The following NBAS variants were observed in gnomAD, a reference collection of about 807,000 sequenced individuals.
NBAS encodes NBAS subunit of NRZ tethering complex.
Under a neutral mutation model 302.5 loss-of-function variants are expected in NBAS, and 219 were observed. That is an observed-to-expected ratio of 0.72 (90% CI 0.65 to 0.81). NBAS has a LOEUF of 0.81. Ranked by LOEUF, NBAS falls within the 30% of genes least tolerant of loss-of-function variation. The pLI, the probability that NBAS is intolerant of heterozygous loss-of-function variation, is 0.00. For synonymous variants in NBAS, 1,118 were observed against 1,021.6 expected, an observed-to-expected ratio of 1.09 and a Z score of -1.80; for missense variants, 2,932 against 2,841.6, an observed-to-expected ratio of 1.03 and a Z score of -0.72.
At chr2:15,527,022 T>A (rs1662941998) in intron 9 of NBAS, among the ~76,000 whole-genome samples, 1 of 150,070 alleles carries the variant, frequency 6.7e-6, no homozygotes, top group Non-Finnish European at 1.5e-5. Flanking sequence ...AGTGGAGTAG[T>A]CAGTATGAAA....
intron 45 of NBAS, 108 bp from the exon 46 acceptor site, chr2:15,234,855 GCAA>G: frequency 8.9e-7 from 1 of 1,121,296 alleles, no homozygotes; most frequent in South Asian, 1.3e-5. Context: ...ATGAAAAGCA[GCAA>G]CACCATACCA....
chr2:15,098,429 A>ATTGTATATTGTATATAATATG, the NBAS span, among the ~76,000 whole-genome samples: 96 of 86,010 alleles, frequency 1.1e-3, 1 homozygote, highest in Non-Finnish European at 1.8e-3. Context: ...TATATTATAT[A>ATTGTATATTGTATATAATATG]TTATATATTG....
chr2:15,099,689 T>C, the NBAS span, among the ~76,000 whole-genome samples: 1 of 152,016 alleles, frequency 6.6e-6, no homozygotes, highest in Non-Finnish European at 1.5e-5. Flanking sequence ...CGGGATCCTG[T>C]TGGGAAAGCA....
chr2:14,989,916 G>A, the NBAS span, among the ~76,000 whole-genome samples: 5 of 152,158 alleles, frequency 3.3e-5, no homozygotes, highest in East Asian at 7.7e-4. Context: ...AAAAAGAAGG[G>A]CGTAAAATGG....
chr2:15,533,948 C>T (rs1205760849), intron 9 of NBAS, among the ~76,000 whole-genome samples: 14 of 152,054 alleles, frequency 9.2e-5, no homozygotes. Flanking sequence ...TTTATGAAAC[C>T]AAACATTTAG....
rs746270875 is a variant in NBAS, at chr2:15,167,150, G to A, written c.7014C>T (p.Gly2338=). The change falls in exon 52 of 52, where the codon GGC becomes GGT. Residue 2338 remains glycine, a synonymous_variant. Coordinates refer to ENST00000281513, the MANE Select transcript of NBAS (RefSeq NM_015909.4). ...EELGRHLREA[G]HEAEAGSLLL... is the part of the protein sequence containing the mutation. ...GGAGAGACCCGGCTTCGGCTTCATGGCCGGCCTCCCGCAGGTGTCTGCCCA... is the reference window on the plus strand; with the variant it reads ...GGAGAGACCCGGCTTCGGCTTCATGACCGGCCTCCCGCAGGTGTCTGCCCA... 4 of 1,614,120 alleles carry A rather than the reference G, an allele frequency of 2.5e-6. No individual in the cohort carries two copies. Among genetic ancestry groups the A allele is most frequent in the Non-Finnish European group, 3.4e-6 (4 of 1,180,044 alleles).
chr2:15,305,503 GTGCAACGGCGCGATCTCAGCTCAC>G (rs1558519204), intron 40 of NBAS, among the ~76,000 whole-genome samples: 3 of 148,310 alleles, frequency 2.0e-5, no homozygotes, highest in Non-Finnish European at 4.4e-5. Flanking sequence ...CCCAGGCGGA[GTGCAACGGCGCGATCTCAGCTCAC>G]TGCAACCTCC....
At chr2:14,798,514 C>T in the NBAS span, among the ~76,000 whole-genome samples, 1 of 152,104 alleles carries the variant, frequency 6.6e-6, no homozygotes, top group African/African-American at 2.4e-5. Flanking sequence ...TTTCTGCATT[C>T]ATAAGTGCTA....
chr2:15,216,645 A>G (rs1172759743), intron 48 of NBAS, among the ~76,000 whole-genome samples: 1 of 152,230 alleles, frequency 6.6e-6, no homozygotes, highest in African/African-American at 2.4e-5. Context: ...TTCTTGAGTA[A>G]TTAGAACATC....
At chr2:15,316,430 C>A (rs1372138284) in intron 38 of NBAS, among the ~76,000 whole-genome samples, 1 of 152,204 alleles carries the variant, frequency 6.6e-6, no homozygotes, top group Non-Finnish European at 1.5e-5. Flanking sequence ...TTGCCTCACA[C>A]AGGAAGTGCA....
intron 44 of NBAS, among the ~76,000 whole-genome samples, chr2:15,254,038 C>A (rs1668475601): frequency 6.6e-6 from 1 of 152,130 alleles, no homozygotes; most frequent in Non-Finnish European, 1.5e-5. Flanking sequence ...TAGACATAAG[C>A]AATTGCCAGC....
the NBAS span, among the ~76,000 whole-genome samples, chr2:15,018,585 GA>G: frequency 3.0e-4 from 46 of 151,994 alleles, no homozygotes; most frequent in East Asian, 1.9e-3. Context: ...CTGAGAATCA[GA>G]AAAAAACTCT....
the NBAS span, among the ~76,000 whole-genome samples, chr2:14,903,689 C>T: frequency 2.0e-5 from 3 of 152,204 alleles, no homozygotes; most frequent in South Asian, 4.1e-4. Flanking sequence ...AGTACAAAAA[C>T]CACACAACTG....
At chr2:15,103,608 CT>C in the NBAS span, among the ~76,000 whole-genome samples, 2 of 152,268 alleles carry the variant, frequency 1.3e-5, no homozygotes, top group South Asian at 4.1e-4. Context: ...CACTGAGATG[CT>C]TGGCACAGGG....
chr2:15,506,534 G>C (rs912871895), intron 10 of NBAS, among the ~76,000 whole-genome samples: 1 of 152,146 alleles, frequency 6.6e-6, no homozygotes, highest in Non-Finnish European at 1.5e-5. Context: ...TTTACATCCA[G>C]ACAAGTTTCC....
rs899093435 is a variant in NBAS, at chr2:15,389,038, A to G, written c.3257+5189T>C. On this transcript the variant is annotated intron_variant, in intron 28 of 51. Coordinates refer to ENST00000281513, the MANE Select transcript of NBAS (RefSeq NM_015909.4). ...TCACTGCTGTGAGCTTTTTATACAC[A>G]TGGATAGCATCCTACTTTAGCAACC... Among the ~76,000 whole-genome samples the G allele has an allele frequency of 7.2e-5, 11 of 152,296 alleles. No homozygotes were observed. In the South Asian group the frequency reaches 8.3e-4, roughly 11 times the overall value.
At chr2:15,040,974 C>T in the NBAS span, among the ~76,000 whole-genome samples, 125,142 of 152,222 alleles carry the variant, frequency 0.82, 51,791 homozygotes, top group East Asian at 0.99. Flanking sequence ...CTTTCCTCTC[C>T]AGCTTCATCC....
intron 21 of NBAS, among the ~76,000 whole-genome samples, chr2:15,447,436 G>T (rs1395089458): frequency 1.3e-5 from 2 of 152,144 alleles, no homozygotes; most frequent in East Asian, 1.9e-4. Flanking sequence ...TTGGTCCCTT[G>T]ATTAAGAGAA....
the NBAS span, among the ~76,000 whole-genome samples, chr2:15,050,560 A>T: frequency 1.3e-5 from 2 of 152,232 alleles, no homozygotes; most frequent in African/African-American, 4.8e-5. Flanking sequence ...AGATGAAAGA[A>T]TTGGGATTGC....
Sources: allele counts gnomAD v4.1 joint callset (sites outside exome capture counted in the v4.1 genomes callset), GRCh38; gene constraint gnomAD v4.1.1; transcripts MANE v1.5; gene names NCBI Gene and HGNC (gene_info 2026-07-23, HGNC 2026-07-21).